CNTN2: variants seen among roughly 807,000 people sequenced by gnomAD.
CNTN2 encodes the protein contactin-2.
In CNTN2, 53 loss-of-function variants were observed where a neutral mutation model predicts 117.5. That is an observed-to-expected ratio of 0.45 (90% CI 0.36 to 0.57). The LOEUF is 0.57. CNTN2 is among the 20% of genes least tolerant of loss of function. The probability of loss-of-function intolerance (pLI) is 0.00; values close to 1 mark genes in which losing one functional copy is unlikely to be tolerated. For missense variants in CNTN2, 1,106 were observed against 1,404.3 expected, an observed-to-expected ratio of 0.79 and a Z score of 3.39; for synonymous variants, 530 against 561.7, an observed-to-expected ratio of 0.94 and a Z score of 0.80.
Position 205,076,596 on chromosome 1 carries a change from T to C in CNTN2, c.*2831T>C, listed in dbSNP as rs1191954233. On this transcript the variant is annotated 3_prime_UTR_variant, in exon 23 of 23. Transcript: ENST00000331830. ...CAAACAAGTACTTTACCCCACAGCT[T>C]AGTGGCCAGTAAACACCCTGGGGAC... 6.6e-6 allele frequency: 1 copy of C among 152,184 alleles called. No homozygotes were observed. The highest frequency in any genetic ancestry group is 1.5e-5 in the Non-Finnish European group (1 of 68,066). 9.4% of individuals were successfully genotyped at this position (152,184 alleles called of 1,614,324 possible). A position where few individuals can be genotyped will look rare whatever the true frequency, so the allele number is the denominator to read the frequency against.
Position 205,076,338 on chromosome 1 carries a change from T to C in CNTN2, c.*2573T>C, listed in dbSNP as rs1654862705. 6.6e-6 allele frequency: 1 copy of C among 152,178 alleles called. No individual in the cohort carries two copies. 9.4% of individuals were successfully genotyped at this position (152,178 alleles called of 1,614,324 possible). The stretch of plus-strand genomic sequence containing the variant: ...CCTGAGGACATGCAAGCTTGTAAAA[T>C]GCAACAGCCTCCTGCTAGAGTGACT... On this transcript the variant is annotated 3_prime_UTR_variant, in exon 23 of 23. Coordinates refer to ENST00000331830, the MANE Select transcript of CNTN2 (RefSeq NM_005076.5).
intron 10 of CNTN2, among the ~76,000 whole-genome samples, 196 bp from the exon 11 acceptor site, chr1:205,064,126 A>AGGGGGGGGGGTGGGGGGGGGGG (rs11329962): frequency 1.1e-5 from 1 of 94,370 alleles, no homozygotes; most frequent in Non-Finnish European, 2.5e-5. Flanking sequence ...TGAGGGGCGG[A>AGGGGGGGGGGTGGGGGGGGGGG]GGGGGGGCGC....
Position 205,074,325 on chromosome 1 carries a change from C to T in CNTN2, c.*560C>T. ...CCCGATAACTCCCTAGGGGCTCCTG[C>T]CTGCCCAAGCGGCTGAGAACCAGCG... On this transcript the variant is annotated 3_prime_UTR_variant, in exon 23 of 23. Coordinates refer to ENST00000331830, the MANE Select transcript of CNTN2 (RefSeq NM_005076.5). 1 of 400,434 alleles carries T rather than the reference C, an allele frequency of 2.5e-6. No individual in the cohort carries two copies. Among genetic ancestry groups the T allele is most frequent in the Non-Finnish European group, 4.4e-6 (1 of 227,020 alleles). The allele number at this position is 400,434 out of a possible 1,614,324, so 24.8% of individuals were successfully genotyped here.
chr1:205,058,802 G>T lies in CNTN2; in HGVS notation c.487+139G>T. The stretch of plus-strand genomic sequence containing the variant: ...CATCCCTGGGACCCTAACTTTAAAT[G>T]ATCTGTGTTTCCTTTATAGGTCTGT... On this transcript the variant is annotated intron_variant, in intron 5 of 22. Transcript: ENST00000331830. This position sits in a 1 kb window ranked among gnomAD's most constrained non-coding sequence, Gnocchi z 4.3. 1 of 695,410 alleles carries T rather than the reference G, an allele frequency of 1.4e-6. No individual in the cohort carries two copies. The highest frequency in any genetic ancestry group is 1.9e-5 in the South Asian group (1 of 52,344). 43.1% of individuals were successfully genotyped at this position (695,410 alleles called of 1,614,324 possible).
intron 16 of CNTN2, chr1:205,068,256 G>A (rs1375504237): frequency 6.6e-6 from 1 of 152,230 alleles, no homozygotes; most frequent in Non-Finnish European, 1.5e-5. Flanking sequence ...AGAGCCCGGG[G>A]ATCCTGGGAC....
At position 205,073,578 on chromosome 1, in the gene CNTN2, G is replaced by A; in HGVS notation, c.3014-78G>A. 1 of 1,342,178 alleles carries A rather than the reference G, an allele frequency of 7.5e-7. No individual in the cohort carries two copies. Among genetic ancestry groups the A allele is most frequent in the East Asian group, 2.4e-5 (1 of 41,196 alleles). The allele number at this position is 1,342,178 out of a possible 1,614,324, so 83.1% of individuals were successfully genotyped here. On this transcript the variant is annotated intron_variant, in intron 22 of 22. Coordinates refer to ENST00000331830, the MANE Select transcript of CNTN2 (RefSeq NM_005076.5). The surrounding 1 kb of genome is among the most constrained non-coding windows in gnomAD (Gnocchi z 6.3). The stretch of plus-strand genomic sequence containing the variant: ...GCAGCTGGCCCTGTGAGTCTCCTTA[G>A]GAAAGGTCTCAATCTTGCCACAAGG...
At chr1:205,069,658 G>A (rs1654482799) in intron 17 of CNTN2, 97 bp downstream of exon 17, 2 of 1,458,372 alleles carry the variant, frequency 1.4e-6, no homozygotes, top group African/African-American at 1.4e-5. Context: ...TGACTCAAAC[G>A]CGGATAACTT....
At chr1:205,062,282 C>A in intron 9 of CNTN2, 158 bp from the exon 10 acceptor site, 1 of 1,086,892 alleles carries the variant, frequency 9.2e-7, no homozygotes, top group Non-Finnish European at 1.3e-6. Context: ...AATCTGCATC[C>A]TGAGGTTCCA....
At chr1:205,062,284 G>C in intron 9 of CNTN2, 156 bp from the exon 10 acceptor site, 1 of 1,096,516 alleles carries the variant, frequency 9.1e-7, no homozygotes, top group Non-Finnish European at 1.3e-6. Flanking sequence ...TCTGCATCCT[G>C]AGGTTCCAGG....
chr1:205,051,216 A>G (rs2096452165), intron 1 of CNTN2, among the ~76,000 whole-genome samples: 2 of 152,250 alleles, frequency 1.3e-5, no homozygotes, highest in Admixed American at 6.5e-5. Flanking sequence ...TGAACACAAC[A>G]CAATCTCTCC....
Position 205,064,617 on chromosome 1 carries a change from C to A in CNTN2, c.1392-6C>A, listed in dbSNP as rs749779814. The A allele has an allele frequency of 5.6e-6, 9 of 1,613,938 alleles. No individual in the cohort carries two copies. The highest frequency in any genetic ancestry group is 2.2e-5 in the East Asian group (1 of 44,882). ...GTTGGCCACATCTGCCTTGTCCTTG[C>A]CACAGAGTGACTGTAACTCCAGATG... On this transcript the variant is annotated splice_region_variant and splice_polypyrimidine_tract_variant and intron_variant, in intron 11 of 22. Coordinates refer to ENST00000331830, the MANE Select transcript of CNTN2 (RefSeq NM_005076.5).
At position 205,069,831 on chromosome 1, in the gene CNTN2, T is replaced by C. The variant is rs749174452; in HGVS notation, c.2201T>C (p.Met734Thr). Residue 734 changes from methionine (M) to threonine (T), a missense_variant, in exon 18 of 23, where the codon ATG becomes ACG. Met to Thr is a moderately conservative substitution (Grantham distance 81, BLOSUM62 -1). Coordinates refer to ENST00000331830, the MANE Select transcript of CNTN2 (RefSeq NM_005076.5). ...TGCCATGCTCTTGCCCCTCAGCCCA[T>C]GTCACGGGAGTACCAGAACGGAGAC... ...PGELIVNWTP[M>T]SREYQNGDGF... The C allele has an allele frequency of 4.5e-5, 73 of 1,613,258 alleles. No individual in the cohort carries two copies. The highest frequency in any genetic ancestry group is 6.0e-5 in the Non-Finnish European group (71 of 1,179,596).
chr1:205,059,121 C>A lies in CNTN2; in HGVS notation c.525C>A (p.Asn175Lys), dbSNP rs764245270. ...SYRWLLNEFP[N>K]FIPTDGRHFV... ...GCTGGCTCCTCAACGAGTTCCCCAACTTCATCCCGACGGACGGGCGTCACT... is the reference window on the plus strand; with the variant it reads ...GCTGGCTCCTCAACGAGTTCCCCAAATTCATCCCGACGGACGGGCGTCACT... The change falls in exon 6 of 23, where the codon AAC (asparagine) becomes AAA (lysine). Residue 175 changes from asparagine to lysine, a missense_variant. Transcript: ENST00000331830. The surrounding 1 kb of genome is among the most constrained non-coding windows in gnomAD (Gnocchi z 5.6). 1.2e-6 allele frequency: 2 copies of A among 1,614,236 alleles called. No homozygotes were observed. The highest frequency in any genetic ancestry group is 1.7e-6 in the Non-Finnish European group (2 of 1,180,052).
chr1:205,070,204 C>T (rs2151198782), intron 18 of CNTN2, 143 bp downstream of exon 18: 6 of 828,584 alleles, frequency 7.2e-6, no homozygotes, highest in Non-Finnish European at 1.2e-5. Flanking sequence ...TCATTGGCCT[C>T]ACTTCCAGCT....
Position 205,072,022 on chromosome 1 carries a change from C to T in CNTN2, c.2620C>T (p.Arg874Ter), listed in dbSNP as rs1451806959. The change falls in exon 20 of 23, where the codon CGA (arginine) becomes TGA (stop). Residue 874 changes from arginine to a stop codon, truncating the protein, a stop_gained. Transcript: ENST00000331830. LOFTEE classifies it high-confidence loss of function. ...GACAGCAGGGCTGGACACCAGTGCC[C>T]GAGTCAGCGGCCTGCATCCCAACAC... The part of the protein sequence containing the change: ...VRTAGLDTSA[R>*]VSGLHPNTKY... The T allele has an allele frequency of 1.9e-6, 3 of 1,614,000 alleles. No individual in the cohort carries two copies. Among genetic ancestry groups the T allele is most frequent in the Non-Finnish European group, 2.5e-6 (3 of 1,180,032 alleles).
chr1:205,067,155 C>G lies in CNTN2; in HGVS notation c.2030C>G (p.Pro677Arg), dbSNP rs1320238137. 2.4e-5 allele frequency: 38 copies of G among 1,614,004 alleles called. No homozygotes were observed. The highest frequency in any genetic ancestry group is 4.0e-5 in the African/African-American group (3 of 74,906). The change falls in exon 16 of 23, where the codon CCC becomes CGC. Residue 677 changes from proline (P) to arginine (R), a missense_variant. Coordinates refer to ENST00000331830, the MANE Select transcript of CNTN2 (RefSeq NM_005076.5). ...ACTGCACAGGTGCTGGGCCTCACCC[C>G]CTGGATGGACTATGAGTTCCGGGTC... Reference protein sequence around the residue: ...AETAQVLGLTPWMDYEFRVIA... With the variant: ...AETAQVLGLTRWMDYEFRVIA...
chr1:205,064,172 AG>A, intron 10 of CNTN2, 149 bp from the exon 11 acceptor site: 1 of 808,248 alleles, frequency 1.2e-6, no homozygotes, highest in Non-Finnish European at 1.9e-6. Flanking sequence ...TTGATAGCTT[AG>A]GCCAGAGAAA....
rs1653742367 is a variant in CNTN2 at position 205,058,015 on chromosome 1, G to A, written c.165G>A (p.Glu55=). Residue 55 remains glutamate, a synonymous_variant, in exon 3 of 23, where the codon GAG becomes GAA. Coordinates refer to ENST00000331830, the MANE Select transcript of CNTN2 (RefSeq NM_005076.5). This position sits in a 1 kb window ranked among gnomAD's most constrained non-coding sequence, Gnocchi z 4.3. ...TATTCCCAGAGGAGTCCACGGAGGAGCAGGTGTTGCTGGCATGCCGCGCCC... is the reference window on the plus strand; with the variant it reads ...TATTCCCAGAGGAGTCCACGGAGGAACAGGTGTTGCTGGCATGCCGCGCCC... ...SVLFPEESTE[E]QVLLACRARA... The A allele has an allele frequency of 4.3e-6, 7 of 1,614,124 alleles. No individual in the cohort carries two copies. The highest frequency in any genetic ancestry group is 5.1e-6 in the Non-Finnish European group (6 of 1,180,026).
chr1:205,066,729 T>C, intron 15 of CNTN2, 130 bp downstream of exon 15: 1 of 1,076,294 alleles, frequency 9.3e-7, no homozygotes, highest in Non-Finnish European at 1.3e-6. Context: ...AGGGACAAGA[T>C]CTGTCCTCTG....
Sources: allele counts gnomAD v4.1 joint callset (sites outside exome capture counted in the v4.1 genomes callset), GRCh38; gene constraint gnomAD v4.1.1; non-coding constraint Gnocchi (gnomAD v3.1); transcripts MANE v1.5; gene names NCBI Gene and HGNC (gene_info 2026-07-23, HGNC 2026-07-21).